TTN: variants seen among roughly 807,000 people sequenced by gnomAD.
TTN encodes the protein titin.
Under a neutral mutation model 3,223.0 loss-of-function variants are expected in TTN, and 1,525 were observed. That is an observed-to-expected ratio of 0.47 (90% CI 0.45 to 0.49). The LOEUF (loss-of-function observed/expected upper bound fraction) is 0.49. Among genes scored for constraint, TTN ranks in the 20% least tolerant of loss-of-function variants. The probability of loss-of-function intolerance (pLI) is 0.00; values close to 1 mark genes in which losing one functional copy is unlikely to be tolerated. For missense variants in TTN, 40,786 were observed against 43,424.0 expected, an observed-to-expected ratio of 0.94 and a Z score of 5.40; for synonymous variants, 14,094 against 15,161.0, an observed-to-expected ratio of 0.93 and a Z score of 5.17.
chr2:178,671,921 A>G, intron 155 of TTN, 50 bp downstream of exon 155: 1 of 1,557,914 alleles, frequency 6.4e-7, no homozygotes, highest in Non-Finnish European at 8.6e-7. Context: ...TTTCAAAGGA[A>G]AGTTAGAGCA....
intron 15 of TTN, 122 bp from the exon 16 acceptor site, chr2:178,784,473 A>G (rs749514763): frequency 2.6e-6 from 3 of 1,166,128 alleles, no homozygotes; most frequent in Non-Finnish European, 3.6e-6. Flanking sequence ...ATTAGCACTC[A>G]TTATCACACA....
rs773566203 is a variant in TTN, at chr2:178,558,021, G to A, written c.87333C>T (p.Asp29111=). The A allele has an allele frequency of 1.4e-5, 23 of 1,613,756 alleles. 1 individual carries two copies. Among genetic ancestry groups the A allele is most frequent in the East Asian group, 2.2e-5 (1 of 44,876 alleles). ...CAGCAGTGATTTCATATCTCCCAGC[G>A]TCAGCTGTAACACTTTCTTTGAGAT... is the stretch of plus-strand genomic sequence containing the variant. The part of the protein sequence containing the change: ...TINLKESVTA[D]AGRYEITAAN... Residue 29111 remains aspartate (D), a synonymous_variant, in exon 328 of 363, where the codon GAC becomes GAT. Transcript: ENST00000589042.
Position 178,709,623 on chromosome 2 carries a change from A to G in TTN, c.28696T>C (p.Cys9566Arg). The change falls in exon 99 of 363, where the codon TGC becomes CGC. Residue 9566 changes from cysteine (C) to arginine (R), a missense_variant. Transcript: ENST00000589042. ...AGMNDAGLYT[C>R]KVSNDAGSAL... ...GAGCCTGCATCATTGGACACTTTGC[A>G]TGTGTACAAACCAGCGTCGTTCATG... 5.6e-6 allele frequency: 9 copies of G among 1,613,924 alleles called. No individual in the cohort carries two copies. Among genetic ancestry groups the G allele is most frequent in the African/African-American group, 1.3e-5 (1 of 75,060 alleles).
chr2:178,695,002 A>C, intron 115 of TTN, 96 bp from the exon 116 acceptor site: 1 of 891,352 alleles, frequency 1.1e-6, no homozygotes, highest in South Asian at 1.8e-5. Flanking sequence ...GTGTTTATAC[A>C]CACCTATAAG....
intron 294 of TTN, among the ~76,000 whole-genome samples, chr2:178,596,595 C>T (rs2051694252): frequency 6.6e-6 from 1 of 152,024 alleles, no homozygotes; most frequent in African/African-American, 2.4e-5. Flanking sequence ...AAATAATTAA[C>T]GTGGAAATGT....
At position 178,590,632 on chromosome 2, in the gene TTN, C is replaced by T. The variant is rs750381165; in HGVS notation, c.61093G>A (p.Ala20365Thr). The T allele has an allele frequency of 5.0e-6, 8 of 1,612,960 alleles. No individual in the cohort carries two copies. The African/African-American group carries it at 1.1e-4, about 22-fold the overall frequency. ...CCAGGTGGTTTGATGGGCCGGCAAG[C>T]TTTTATTGGATCAGAACTTGGGGAT... ...KPSPSSDPIK[A>T]CRPIKPPGPP... The change falls in exon 304 of 363, where the codon GCT becomes ACT. Residue 20365 changes from alanine to threonine, a missense_variant. By Grantham distance (58) the Ala-to-Thr change is moderately conservative. Transcript: ENST00000589042.
Position 178,731,759 on chromosome 2 carries a change from C to T in TTN, c.17116G>A (p.Glu5706Lys), listed in dbSNP as rs376593556. Reference protein sequence around the residue: ...ILKFVAADAGEYQCRVTNEVG... With the variant: ...ILKFVAADAGKYQCRVTNEVG... ...TCATTGGTCACCCGACACTGGTATT[C>T]GCCAGCATCTGCAGCTACAAACTTG... Residue 5706 changes from glutamate (E) to lysine (K), a missense_variant, in exon 58 of 363, where the codon GAA becomes AAA. Glu to Lys is a moderately conservative substitution (Grantham distance 56). Coordinates refer to ENST00000589042, the MANE Select transcript of TTN (RefSeq NM_001267550.2). 4.0e-5 allele frequency: 65 copies of T among 1,613,630 alleles called. No individual in the cohort carries two copies. The African/African-American group carries it at 6.0e-4, about 15-fold the overall frequency.
chr2:178,532,095 C>G lies in TTN; in HGVS notation c.104520G>C (p.Arg34840=), dbSNP rs187311008. The G allele has an allele frequency of 5.0e-6, 8 of 1,613,908 alleles. No homozygotes were observed. The East Asian group carries it at 1.8e-4, about 36-fold the overall frequency. ...SSSASRLLRR[R]RSLSPTYIEL... ...CAATATAAGTTGGAGACAGGGAGCG[C>G]CGTCGTCTCAGTAGTCTAGACGCAG... Residue 34840 remains arginine, a synonymous_variant, in exon 358 of 363, where the codon CGG becomes CGC. Coordinates refer to ENST00000589042, the MANE Select transcript of TTN (RefSeq NM_001267550.2).
In TTN at chr2:178,720,427, C is replaced by T. The variant is rs1314203498; in HGVS notation, c.23335G>A (p.Glu7779Lys). The T allele has an allele frequency of 6.2e-7, 1 of 1,613,628 alleles. No individual in the cohort carries two copies. The highest frequency in any genetic ancestry group is 8.5e-7 in the Non-Finnish European group (1 of 1,179,654). Reference sequence around the variant, plus strand: ...CAAGAACACGTGTCACTTCCCACCTCATTAGTAGCTTTGCAGTGATATTCC... The same window carrying T: ...CAAGAACACGTGTCACTTCCCACCTTATTAGTAGCTTTGCAGTGATATTCC... Reference protein sequence around the residue: ...VGEYHCKATNEVGSDTCSCSV... With the variant: ...VGEYHCKATNKVGSDTCSCSV... Residue 7779 changes from glutamate (E) to lysine (K), a missense_variant, in exon 80 of 363, where the codon GAG becomes AAG. Coordinates refer to ENST00000589042, the MANE Select transcript of TTN (RefSeq NM_001267550.2).
intron 47 of TTN, chr2:178,747,405 A>G: frequency 6.2e-7 from 1 of 1,613,334 alleles, no homozygotes. Flanking sequence ...GACTTTGGAG[A>G]TTCAAAATAT....
chr2:178,587,445 C>A (rs919482145), intron 306 of TTN, 28 bp from the exon 307 acceptor site: 13 of 1,600,188 alleles, frequency 8.1e-6, no homozygotes, highest in Non-Finnish European at 1.1e-5. Context: ...ATCAGATATA[C>A]ATGTCTCCTC....
Position 178,654,230 on chromosome 2 carries a change from T to G in TTN, c.38358A>C (p.Lys12786Asn), listed in dbSNP as rs1465891610. The G allele has an allele frequency of 6.3e-7, 1 of 1,598,316 alleles. No individual in the cohort carries two copies. Among genetic ancestry groups the G allele is most frequent in the East Asian group, 2.2e-5 (1 of 44,810 alleles). The part of the protein sequence containing the change: ...EKKVSVAVPK[K>N]PEAPRAKVPE... ...TACCTTTTGCACGTGGGGCTTCCGG[T>G]TTTTTGGGCACAGCCACAGATACTT... The change falls in exon 193 of 363, where the codon AAA (lysine) becomes AAC (asparagine). Residue 12786 changes from lysine (K) to asparagine (N), a missense_variant. Transcript: ENST00000589042.
rs2059971803 is a variant in TTN, at chr2:178,632,865, T to C, written c.43213+53A>G. ...GACCCTTGATCAATGCAGGGGTGTA[T>C]CAGGAAGTCTTGCAGAGAAAATACA... On this transcript the variant is annotated intron_variant, in intron 234 of 362. Coordinates refer to ENST00000589042, the MANE Select transcript of TTN (RefSeq NM_001267550.2). 5.0e-6 allele frequency: 8 copies of C among 1,611,622 alleles called. No individual in the cohort carries two copies. The South Asian group carries it at 7.7e-5, about 16-fold the overall frequency.
chr2:178,685,292 T>A lies in TTN; in HGVS notation c.32431A>T (p.Lys10811Ter). Residue 10811 changes from lysine (K) to a stop codon, truncating the protein, a stop_gained, in exon 129 of 363, where the codon AAA becomes TAA. Coordinates refer to ENST00000589042, the MANE Select transcript of TTN (RefSeq NM_001267550.2). LOFTEE classifies it high-confidence loss of function. ...GGCTCCTCTATTTTAGCAGGAATTT[T>A]TGGTTTCAGTACAATTTTCTTCTCC... The part of the protein sequence containing the change: ...RQEKKIVLKP[K>*]IPAKIEEPPP... 6.4e-7 allele frequency: 1 copy of A among 1,552,858 alleles called. No individual in the cohort carries two copies. Among genetic ancestry groups the A allele is most frequent in the South Asian group, 1.2e-5 (1 of 83,472 alleles).
Position 178,773,500 on chromosome 2 carries a change from A to C in TTN, c.7556T>G (p.Val2519Gly), listed in dbSNP as rs372361514. Residue 2519 changes from valine to glycine, a missense_variant, in exon 32 of 363, where the codon GTT becomes GGT. By Grantham distance (109) the Val-to-Gly change is moderately radical. Coordinates refer to ENST00000589042, the MANE Select transcript of TTN (RefSeq NM_001267550.2). ...ATTACAGTTGGTTTCAACTCTGCCAACTATCAGCTTGTAAGGTCCTTCGTC... is the reference window on the plus strand; with the variant it reads ...ATTACAGTTGGTTTCAACTCTGCCACCTATCAGCTTGTAAGGTCCTTCGTC... ...ASDEGPYKLI[V>G]GRVETNCNLS... The C allele has an allele frequency of 6.2e-7, 1 of 1,614,042 alleles. No homozygotes were observed. Among genetic ancestry groups the C allele is most frequent in the Non-Finnish European group, 8.5e-7 (1 of 1,179,944 alleles).
chr2:178,746,789 A>G, intron 47 of TTN: 1 of 1,613,458 alleles, frequency 6.2e-7, no homozygotes, highest in East Asian at 2.2e-5. Context: ...TTCAACTTCA[A>G]CAATGAAGCC....
At position 178,649,605 on chromosome 2, in the gene TTN, G is replaced by T. The variant is rs781681288; in HGVS notation, c.39922C>A (p.Pro13308Thr). ...KEPEMPKKVVPVKKVPTVKKP... is the reference protein window; with the variant it reads ...KEPEMPKKVVTVKKVPTVKKP... ...TTAACAGTTGGGACCTTCTTCACTGGAACAACTTTCTTTGGCATCTCAGGT... is the reference window on the plus strand; with the variant it reads ...TTAACAGTTGGGACCTTCTTCACTGTAACAACTTTCTTTGGCATCTCAGGT... Residue 13308 changes from proline (P) to threonine (T), a missense_variant, in exon 212 of 363, where the codon CCA (proline) becomes ACA (threonine). Coordinates refer to ENST00000589042, the MANE Select transcript of TTN (RefSeq NM_001267550.2). 5.8e-6 allele frequency: 9 copies of T among 1,550,058 alleles called. No individual in the cohort carries two copies. Among genetic ancestry groups the T allele is most frequent in the Non-Finnish European group, 7.0e-6 (8 of 1,146,606 alleles).
rs750208197 is a variant in TTN, at chr2:178,549,700, A to C, written c.92022T>G (p.Cys30674Trp). 1 of 1,613,776 alleles carries C rather than the reference A, an allele frequency of 6.2e-7. No individual in the cohort carries two copies. Among genetic ancestry groups the C allele is most frequent in the South Asian group, 1.1e-5 (1 of 91,078 alleles). Residue 30674 changes from cysteine (C) to tryptophan (W), a missense_variant, in exon 338 of 363, where the codon TGT becomes TGG. Physicochemically the swap from Cys to Trp is radical, Grantham distance 215 (BLOSUM62 -2). Coordinates refer to ENST00000589042, the MANE Select transcript of TTN (RefSeq NM_001267550.2). ...TAATGGCAGTGTAACTTTGGGCTTCACATTTATCCTCAATTAGTGCCCAGG... is the reference window on the plus strand; with the variant it reads ...TAATGGCAGTGTAACTTTGGGCTTCCCATTTATCCTCAATTAGTGCCCAGG... ...RLAWALIEDK[C>W]EAQSYTAIKL...
In TTN at chr2:178,727,738, G is replaced by T. The variant is rs758885175; in HGVS notation, c.19840C>A (p.Leu6614Ile). 1 of 1,613,386 alleles carries T rather than the reference G, an allele frequency of 6.2e-7. No individual in the cohort carries two copies. The highest frequency in any genetic ancestry group is 1.1e-5 in the South Asian group (1 of 91,056). ...ATGAAACATTTAGGACCTGAGACAA[G>T]TTCCACATCATCCTTAAACCATTTT... is the stretch of plus-strand genomic sequence containing the variant. ...KIKWFKDDVELVSGPKCFIGL... is the reference protein window; with the variant it reads ...KIKWFKDDVEIVSGPKCFIGL... Residue 6614 changes from leucine (L) to isoleucine (I), a missense_variant, in exon 68 of 363, where the codon CTT becomes ATT. Coordinates refer to ENST00000589042, the MANE Select transcript of TTN (RefSeq NM_001267550.2).
Sources: allele counts gnomAD v4.1 joint callset (sites outside exome capture counted in the v4.1 genomes callset), GRCh38; gene constraint gnomAD v4.1.1; transcripts MANE v1.5; gene names NCBI Gene and HGNC (gene_info 2026-07-23, HGNC 2026-07-21).